The following CTNNA3 variants were observed in gnomAD, a reference collection of about 807,000 sequenced individuals.
CTNNA3 encodes the protein catenin alpha 3.
Under a neutral mutation model 95.7 loss-of-function variants are expected in CTNNA3, and 76 were observed. The observed-to-expected ratio is 0.79, with a 90% CI of 0.66 to 0.96. The LOEUF (loss-of-function observed/expected upper bound fraction) is 0.96. Ranked by LOEUF, CTNNA3 falls within the 40% of genes least tolerant of loss-of-function variation. The pLI is 0.00. For missense variants in CTNNA3, 1,191 were observed against 1,089.8 expected (o/e 1.09, Z -1.31); for synonymous variants, 431 against 374.4 (o/e 1.15, Z -1.74).
intron 11 of CTNNA3, among the ~76,000 whole-genome samples, chr10:66,465,687 G>A (rs550872559): frequency 6.6e-6 from 1 of 152,094 alleles, no homozygotes; most frequent in South Asian, 2.1e-4. Flanking sequence ...ACAAGACCCT[G>A]GTGACTTGCC....
chr10:66,588,537 A>C (rs749324599), intron 10 of CTNNA3, among the ~76,000 whole-genome samples: 3 of 152,038 alleles, frequency 2.0e-5, no homozygotes, highest in Non-Finnish European at 4.4e-5. Context: ...CTTCTATTTG[A>C]CATCATTTGG....
At chr10:66,244,665 A>G (rs1301392495) in intron 13 of CTNNA3, among the ~76,000 whole-genome samples, 1 of 152,238 alleles carries the variant, frequency 6.6e-6, no homozygotes, top group African/African-American at 2.4e-5. Context: ...TGAGGCTGCA[A>G]TAACCCTAGT....
At chr10:66,513,843 G>C (rs1174902597) in intron 11 of CTNNA3, among the ~76,000 whole-genome samples, 1 of 152,156 alleles carries the variant, frequency 6.6e-6, no homozygotes, top group East Asian at 1.9e-4. Flanking sequence ...TGACGTGCAG[G>C]ACTGCCTATT....
At chr10:67,331,982 G>T (rs922132656) in intron 5 of CTNNA3, among the ~76,000 whole-genome samples, 3 of 152,088 alleles carry the variant, frequency 2.0e-5, no homozygotes, top group African/African-American at 7.2e-5. Context: ...AAGCAACTGG[G>T]ATTCCACAAA....
chr10:67,003,864 T>G lies in CTNNA3; in HGVS notation c.1047+176453A>C, dbSNP rs147830979. On this transcript the variant is annotated intron_variant, in intron 7 of 17. Coordinates refer to ENST00000433211, the MANE Select transcript of CTNNA3 (RefSeq NM_013266.4). ...GATTTTAACATACATTTGCAATGCA[T>G]CAGCCAAAGTGCAGCATAAAACGGA... is the stretch of plus-strand genomic sequence containing the variant. Among the ~76,000 whole-genome samples, 11 of 152,300 alleles carry G rather than the reference T, an allele frequency of 7.2e-5. No homozygotes were observed. In the East Asian group the frequency reaches 2.1e-3, roughly 29 times the overall value.
chr10:66,374,470 T>G (rs531479968), intron 12 of CTNNA3, among the ~76,000 whole-genome samples: 17 of 152,144 alleles, frequency 1.1e-4, no homozygotes, highest in Non-Finnish European at 1.9e-4. Flanking sequence ...TTCAAGAGAT[T>G]TCGTTTTGGG....
intron 7 of CTNNA3, among the ~76,000 whole-genome samples, chr10:67,031,424 T>C (rs1316045633): frequency 6.6e-6 from 1 of 152,230 alleles, no homozygotes; most frequent in African/African-American, 2.4e-5. Flanking sequence ...CTTTCTACTA[T>C]ACATTGTGCT....
chr10:66,157,404 CATAG>C (rs1387991193), intron 13 of CTNNA3, among the ~76,000 whole-genome samples: 5 of 147,200 alleles, frequency 3.4e-5, no homozygotes, highest in African/African-American at 1.0e-4. Flanking sequence ...AGTATTCTAT[CATAG>C]ATAGGTAGGT....
intron 13 of CTNNA3, among the ~76,000 whole-genome samples, chr10:66,244,261 C>T (rs965378440): frequency 3.3e-5 from 5 of 152,174 alleles, no homozygotes; most frequent in African/African-American, 7.2e-5. Context: ...AGATTTCTAA[C>T]GTTTTTTACT....
At chr10:67,295,706 G>C (rs939691768) in intron 5 of CTNNA3, among the ~76,000 whole-genome samples, 5 of 152,196 alleles carry the variant, frequency 3.3e-5, no homozygotes, top group Non-Finnish European at 7.3e-5. Context: ...AACATCTGGG[G>C]TTGCTGTTCA....
Position 66,156,943 on chromosome 10 carries a change from A to G in CTNNA3, c.1885-53694T>C, listed in dbSNP as rs1244482704. 2.0e-5 allele frequency among the ~76,000 whole-genome samples: 3 copies of G among 152,064 alleles called. No homozygotes were observed. The East Asian group carries it at 5.8e-4, about 29-fold the overall frequency. ...TAAGGTGACTATGGCTGTCTTGTTG[A>G]GAACAGACTGATGAGGAGGACGTAA... On this transcript the variant is annotated intron_variant, in intron 13 of 17. Coordinates refer to ENST00000433211, the MANE Select transcript of CTNNA3 (RefSeq NM_013266.4).
At chr10:67,712,789 T>C (rs188098940) in intron 1 of CTNNA3, among the ~76,000 whole-genome samples, 3 of 152,260 alleles carry the variant, frequency 2.0e-5, no homozygotes, top group Non-Finnish European at 2.9e-5. Context: ...TAACTCAAGA[T>C]GGATTAAAGA....
intron 13 of CTNNA3, among the ~76,000 whole-genome samples, chr10:66,248,383 T>C (rs554165075): frequency 2.0e-5 from 3 of 149,268 alleles, no homozygotes; most frequent in Admixed American, 1.3e-4. Context: ...CAGGAGTAAG[T>C]CCTTATTTAT....
intron 13 of CTNNA3, among the ~76,000 whole-genome samples, chr10:66,167,995 A>G (rs1405204733): frequency 6.6e-6 from 1 of 152,204 alleles, no homozygotes; most frequent in Non-Finnish European, 1.5e-5. Context: ...TCAGAGCATG[A>G]CAGCTGGAGC....
At chr10:67,009,546 T>G (rs1852197357) in intron 7 of CTNNA3, among the ~76,000 whole-genome samples, 1 of 152,138 alleles carries the variant, frequency 6.6e-6, no homozygotes, top group Non-Finnish European at 1.5e-5. Flanking sequence ...TTTGTTTGCT[T>G]GTCCGTATCA....
rs76368668 is a variant in CTNNA3, at chr10:67,484,758, C to A, written c.579+37084G>T. 5.9e-5 allele frequency among the ~76,000 whole-genome samples: 9 copies of A among 152,052 alleles called. No homozygotes were observed. The South Asian group carries it at 1.9e-3, about 32-fold the overall frequency. Reference sequence around the variant, plus strand: ...AAAATAAAACCACAATGGGACACCACCTCACAGAATGGCTATTATGAAAAA... The same window carrying A: ...AAAATAAAACCACAATGGGACACCAACTCACAGAATGGCTATTATGAAAAA... On this transcript the variant is annotated intron_variant, in intron 5 of 17. Coordinates refer to ENST00000433211, the MANE Select transcript of CTNNA3 (RefSeq NM_013266.4).
intron 13 of CTNNA3, among the ~76,000 whole-genome samples, chr10:66,114,448 A>G (rs1290478449): frequency 6.6e-6 from 1 of 151,270 alleles, no homozygotes; most frequent in Non-Finnish European, 1.5e-5. Context: ...ATGTGTATAT[A>G]TGTATATATG....
intron 9 of CTNNA3, among the ~76,000 whole-genome samples, chr10:66,765,690 G>A (rs367653672): frequency 1.3e-5 from 2 of 152,082 alleles, no homozygotes; most frequent in South Asian, 2.1e-4. Flanking sequence ...AGCTCCTTCA[G>A]CAATATGCTA....
At chr10:66,493,599 ATTT>A (rs528761424) in intron 11 of CTNNA3, among the ~76,000 whole-genome samples, 7 of 112,008 alleles carry the variant, frequency 6.2e-5, no homozygotes, top group African/African-American at 2.3e-4. Flanking sequence ...TAACTACAGT[ATTT>A]TTTTTTTTTT....
Sources: gnomAD v4.1 joint callset for allele counts (sites outside exome capture counted in the v4.1 genomes callset) on GRCh38, gnomAD v4.1.1 for gene constraint, MANE v1.5 for transcripts, NCBI Gene and HGNC (gene_info 2026-07-23, HGNC 2026-07-21) for gene names.